Variants in ARHGEF7 observed in about 807,000 individuals in gnomAD.
ARHGEF7 encodes the protein Rho guanine nucleotide exchange factor 7.
A neutral mutation model predicts 109.8 loss-of-function variants in ARHGEF7; 33 were observed. That is an observed-to-expected ratio of 0.30 (90% CI 0.23 to 0.40). ARHGEF7 has a LOEUF of 0.40. Among genes scored for constraint, ARHGEF7 ranks in the 10% least tolerant of loss-of-function variants. The pLI is 1.00. For missense variants in ARHGEF7, 938 were observed against 1,098.5 expected (o/e 0.85, Z 2.07); for synonymous variants, 458 against 424.6 (o/e 1.08, Z -0.97).
At chr13:111,148,764 C>T (rs927849803) in intron 1 of ARHGEF7, among the ~76,000 whole-genome samples, 4 of 152,290 alleles carry the variant, frequency 2.6e-5, no homozygotes, top group East Asian at 1.9e-4. Flanking sequence ...ATGACTTTAA[C>T]GACTGAAATG....
intron 2 of ARHGEF7, among the ~76,000 whole-genome samples, chr13:111,188,805 C>T (rs746109775): frequency 2.6e-5 from 4 of 152,186 alleles, no homozygotes; most frequent in African/African-American, 7.2e-5. Context: ...AGTTACTCTT[C>T]GGTGACCTAA....
chr13:111,179,313 A>T (rs2078504738), intron 2 of ARHGEF7, among the ~76,000 whole-genome samples: 1 of 151,844 alleles, frequency 6.6e-6, no homozygotes, highest in Non-Finnish European at 1.5e-5. Flanking sequence ...TGAACTCCTG[A>T]CCTCAGGTGA....
At chr13:111,243,060 AATT>A (rs1226968085) in intron 6 of ARHGEF7, among the ~76,000 whole-genome samples, 9 of 152,198 alleles carry the variant, frequency 5.9e-5, no homozygotes, top group Admixed American at 5.2e-4. Context: ...GTTAATTTAT[AATT>A]ATTCTGCTAT....
At chr13:111,154,493 CTGCTT>C (rs2076147721) in intron 2 of ARHGEF7, among the ~76,000 whole-genome samples, 1 of 152,214 alleles carries the variant, frequency 6.6e-6, no homozygotes, top group Non-Finnish European at 1.5e-5. Flanking sequence ...ACTCCTTTCT[CTGCTT>C]TTTCTTCCTG....
chr13:111,294,025 A>C, intron 19 of ARHGEF7: 1 of 985,434 alleles, frequency 1.0e-6, no homozygotes, highest in South Asian at 4.7e-5. Flanking sequence ...CCAAGTAGCT[A>C]CTGAACTGCT....
At position 111,304,566 on chromosome 13, in the gene ARHGEF7, C is replaced by T. The variant is rs1464566778; in HGVS notation, c.*1453C>T. On this transcript the variant is annotated 3_prime_UTR_variant, in exon 22 of 22. Transcript: ENST00000646102. ...TTTTCTGTCTATTGGCCAAATTGCC[C>T]TTTAACTGCACCTGAATCCTTTGTG... 1.3e-5 allele frequency: 2 copies of T among 152,392 alleles called. No individual in the cohort carries two copies. Among genetic ancestry groups the T allele is most frequent in the East Asian group, 3.9e-4 (2 of 5,186 alleles). 9.4% of individuals were successfully genotyped at this position (152,392 alleles called of 1,614,324 possible). A position where few individuals can be genotyped will look rare whatever the true frequency, so the allele number is the denominator to read the frequency against.
intron 2 of ARHGEF7, among the ~76,000 whole-genome samples, chr13:111,200,112 C>T (rs976203979): frequency 6.6e-6 from 1 of 152,156 alleles, no homozygotes; most frequent in Non-Finnish European, 1.5e-5. Flanking sequence ...TCCCTACCAT[C>T]TTTCTGTGTC....
rs555464472 is a variant in ARHGEF7, at chr13:111,226,478, C to G, written c.671-6727C>G. On this transcript the variant is annotated intron_variant, in intron 5 of 21. Transcript: ENST00000646102. ...AATCCTAGTACCCTTAAGAATTATGCTTAACCAACTTTGCCTCTCTGCGCT... is the reference window on the plus strand; with the variant it reads ...AATCCTAGTACCCTTAAGAATTATGGTTAACCAACTTTGCCTCTCTGCGCT... Among the ~76,000 whole-genome samples, 148 of 152,324 alleles carry G rather than the reference C, an allele frequency of 9.7e-4. 2 individuals carry two copies. Among genetic ancestry groups the G allele is most frequent in the African/African-American group, 3.5e-3 (145 of 41,570 alleles).
Position 111,273,212 on chromosome 13 carries a change from G to A in ARHGEF7, c.1074-602G>A, listed in dbSNP as rs568474951. 9.8e-4 allele frequency among the ~76,000 whole-genome samples: 149 copies of A among 152,244 alleles called. No individual in the cohort carries two copies. Among genetic ancestry groups the A allele is most frequent in the African/African-American group, 3.4e-3 (143 of 41,550 alleles). Reference sequence around the variant, plus strand: ...ACACAGGGACCCCTTTCTTCCTCACGTATTGTGAGGATTAAACTTAAAGCT... The same window carrying A: ...ACACAGGGACCCCTTTCTTCCTCACATATTGTGAGGATTAAACTTAAAGCT... On this transcript the variant is annotated intron_variant, in intron 9 of 21. Transcript: ENST00000646102. This position sits in a 1 kb window ranked among gnomAD's most constrained non-coding sequence, Gnocchi z 4.5.
rs2087438501 is a variant in ARHGEF7 at position 111,239,719 on chromosome 13, G to A, written c.760-4153G>A. On this transcript the variant is annotated intron_variant, in intron 6 of 21. Transcript: ENST00000646102. The surrounding 1 kb of genome is among the most constrained non-coding windows in gnomAD (Gnocchi z 4.3). The stretch of plus-strand genomic sequence containing the variant: ...GATCCCCTCTTTTCCTGGGCGGCGA[G>A]GTGCCTGCTGGCTTCTTTCACACCT... 6.6e-6 allele frequency among the ~76,000 whole-genome samples: 1 copy of A among 152,020 alleles called. No homozygotes were observed. The highest frequency in any genetic ancestry group is 2.4e-5 in the African/African-American group (1 of 41,364).
Position 111,252,448 on chromosome 13 carries a change from C to T in ARHGEF7, c.950+8154C>T, listed in dbSNP as rs959184625. Among the ~76,000 whole-genome samples, 7 of 152,160 alleles carry T rather than the reference C, an allele frequency of 4.6e-5. No individual in the cohort carries two copies. The South Asian group carries it at 1.0e-3, about 23-fold the overall frequency. The stretch of plus-strand genomic sequence containing the variant: ...ATAGCACAGGCAGAGGCTTCTCCTT[C>T]CTAGATGTCCAGTACAGAAGACATT... On this transcript the variant is annotated intron_variant, in intron 8 of 21. Coordinates refer to ENST00000646102, the MANE Select transcript of ARHGEF7 (RefSeq NM_001354046.2).
intron 2 of ARHGEF7, among the ~76,000 whole-genome samples, chr13:111,179,575 T>G (rs1417697621): frequency 3.9e-5 from 6 of 152,236 alleles, no homozygotes; most frequent in Non-Finnish European, 8.8e-5. Context: ...ATGTTATCGC[T>G]TATGCAACCC....
At chr13:111,141,622 G>T (rs759716581) in intron 1 of ARHGEF7, among the ~76,000 whole-genome samples, 1 of 150,484 alleles carries the variant, frequency 6.6e-6, no homozygotes, top group African/African-American at 2.4e-5. Flanking sequence ...TGCATTTAAG[G>T]TTCCTCCATA....
At chr13:111,141,526 C>T (rs2075349539) in intron 1 of ARHGEF7, among the ~76,000 whole-genome samples, 1 of 152,198 alleles carries the variant, frequency 6.6e-6, no homozygotes, top group African/African-American at 2.4e-5. Flanking sequence ...CTGGAAGCTC[C>T]AAAAGTTTTA....
At chr13:111,176,977 G>A (rs2078227501) in intron 2 of ARHGEF7, among the ~76,000 whole-genome samples, 1 of 152,228 alleles carries the variant, frequency 6.6e-6, no homozygotes. Flanking sequence ...GGCTGTTCTT[G>A]AACTCCTGAC....
At chr13:111,193,605 T>C (rs2080157071) in intron 2 of ARHGEF7, among the ~76,000 whole-genome samples, 1 of 152,218 alleles carries the variant, frequency 6.6e-6, no homozygotes, top group African/African-American at 2.4e-5. Context: ...CATTTATTCT[T>C]TTTCCCTTTC....
intron 1 of ARHGEF7, chr13:111,116,404 G>A (rs2066785306): frequency 6.5e-6 from 1 of 152,678 alleles, no homozygotes; most frequent in Non-Finnish European, 1.5e-5. Flanking sequence ...CCAGGCTGGA[G>A]CGTGTGAACC....
In ARHGEF7 at chr13:111,295,576, A is replaced by AT. The variant is rs201897882; in HGVS notation, c.2311+3282_2311+3283insT. On this transcript the variant is annotated intron_variant, in intron 19 of 21. Coordinates refer to ENST00000646102, the MANE Select transcript of ARHGEF7 (RefSeq NM_001354046.2). ...TGTTTTATAAAGTGCTTATCCAGCT[A>AT]AGAGAGTAATGAAGCAAAATAAAGG... Among the ~76,000 whole-genome samples the AT allele has an allele frequency of 9.0e-3, 1,366 of 152,342 alleles. 20 individuals carry two copies. The highest frequency in any genetic ancestry group is 0.031 in the African/African-American group (1,292 of 41,574).
chr13:111,261,938 A>G (rs139321540), intron 8 of ARHGEF7, among the ~76,000 whole-genome samples: 2 of 152,326 alleles, frequency 1.3e-5, no homozygotes, highest in East Asian at 1.9e-4. Flanking sequence ...AACACAGCAT[A>G]CCAAAACCTA....
Sources: allele counts gnomAD v4.1 joint callset (sites outside exome capture counted in the v4.1 genomes callset), GRCh38; gene constraint gnomAD v4.1.1; non-coding constraint Gnocchi (gnomAD v3.1); transcripts MANE v1.5; gene names NCBI Gene and HGNC (gene_info 2026-07-23, HGNC 2026-07-21).